Variants in PTBP1 observed in about 807,000 individuals in gnomAD.
PTBP1 encodes the protein polypyrimidine tract binding protein 1, also known as polypyrimidine tract-binding protein 1.
PTBP1 carries 8 observed loss-of-function variants against 59.8 expected under a neutral mutation model. The ratio of observed to expected loss-of-function variants is 0.13; its 90% confidence interval spans 0.08 to 0.24. PTBP1 has a LOEUF of 0.24. Among genes scored for constraint, PTBP1 ranks in the 10% least tolerant of loss-of-function variants. The pLI is 1.00. For synonymous variants in PTBP1, 490 were observed against 320.7 expected (o/e 1.53, Z -5.64); for missense variants, 686 against 767.0 (o/e 0.89, Z 1.25).
In PTBP1 at chr19:811,041, G is replaced by A. The variant is rs1442199983; in HGVS notation, c.*215G>A. The A allele has an allele frequency of 1.2e-5, 6 of 493,470 alleles. No homozygotes were observed. Among genetic ancestry groups the A allele is most frequent in the Middle Eastern group, 5.2e-4 (1 of 1,910 alleles). The allele number at this position is 493,470 out of a possible 1,614,324, so 30.6% of individuals were successfully genotyped here. A position where few individuals can be genotyped will look rare whatever the true frequency, so the allele number is the denominator to read the frequency against. ...TCAGGCTCTTGGTGACTGTGGCAGC[G>A]GGAGTTCCCGGCCCTCCACACCCGG... On this transcript the variant is annotated 3_prime_UTR_variant, in exon 15 of 15. Transcript: ENST00000356948.
intron 9 of PTBP1, chr19:806,121 C>T (rs999147879): frequency 2.8e-6 from 1 of 359,030 alleles, no homozygotes; most frequent in Non-Finnish European, 5.0e-6. Context: ...GGCCCCGTGT[C>T]TGTGCTGGCG....
rs2034837529 is a variant in PTBP1 at position 810,997 on chromosome 19, C to G, written c.*171C>G. On this transcript the variant is annotated 3_prime_UTR_variant, in exon 15 of 15. Coordinates refer to ENST00000356948, the MANE Select transcript of PTBP1 (RefSeq NM_002819.5). Reference sequence around the variant, plus strand: ...TTAAATCTAGTTCACCTTGCTCACCCTGCGGTGACAGGGACAGCTCAGGCT... The same window carrying G: ...TTAAATCTAGTTCACCTTGCTCACCGTGCGGTGACAGGGACAGCTCAGGCT... 2.9e-6 allele frequency: 2 copies of G among 683,724 alleles called. No individual in the cohort carries two copies. The highest frequency in any genetic ancestry group is 4.5e-6 in the Non-Finnish European group (2 of 448,588). The allele number at this position is 683,724 out of a possible 1,614,324, so 42.4% of individuals were successfully genotyped here.
chr19:803,147 G>A (rs368453018), intron 2 of PTBP1, among the ~76,000 whole-genome samples: 2 of 152,186 alleles, frequency 1.3e-5, no homozygotes, highest in East Asian at 3.9e-4. Context: ...CTGCTGGGGG[G>A]GCTGGCTCCA....
rs1397816939 is a variant in PTBP1 at position 804,082 on chromosome 19, A to G, written c.162A>G (p.Ala54=). The G allele has an allele frequency of 1.2e-6, 2 of 1,613,938 alleles. No homozygotes were observed. Among genetic ancestry groups the G allele is most frequent in the Non-Finnish European group, 1.7e-6 (2 of 1,179,998 alleles). ...SKKFKGDSRS[A]GVPSRVIHIR... Reference sequence around the variant, plus strand: ...AGTTCAAAGGTGACAGCCGAAGTGCAGGCGTCCCCTCTAGAGTGATCCACA... The same window carrying G: ...AGTTCAAAGGTGACAGCCGAAGTGCGGGCGTCCCCTCTAGAGTGATCCACA... The change falls in exon 4 of 15, where the codon GCA becomes GCG. Residue 54 remains alanine (A), a synonymous_variant. Coordinates refer to ENST00000356948, the MANE Select transcript of PTBP1 (RefSeq NM_002819.5).
Position 803,589 on chromosome 19 carries a change from G to A in PTBP1, c.68G>A (p.Cys23Tyr). 6.2e-7 allele frequency: 1 copy of A among 1,614,170 alleles called. No homozygotes were observed. Among genetic ancestry groups the A allele is most frequent in the Non-Finnish European group, 8.5e-7 (1 of 1,180,000 alleles). Residue 23 changes from cysteine to tyrosine, a missense_variant, in exon 3 of 15, where the codon TGT becomes TAT. Transcript: ENST00000356948. Reference protein sequence around the residue: ...KRGSDELFSTCVTNGPFIMSS... With the variant: ...KRGSDELFSTYVTNGPFIMSS... ...GGATCTGACGAGCTTTTCTCTACTT[G>A]TGTCACTAACGGACCGTTTATCATG...
chr19:810,546 C>T lies in PTBP1; in HGVS notation c.1467C>T (p.Pro489=), dbSNP rs1365880518. Residue 489 remains proline, a synonymous_variant, in exon 14 of 15, where the codon CCC becomes CCT. Coordinates refer to ENST00000356948, the MANE Select transcript of PTBP1 (RefSeq NM_002819.5). ...SATLHLSNIP[P]SVSEEDLKVL... is the part of the protein sequence containing the mutation. Reference sequence around the variant, plus strand: ...TCACGCCTTTCTCCTCCCACAGGCCCTCAGTCTCCGAGGAGGATCTCAAGG... The same window carrying T: ...TCACGCCTTTCTCCTCCCACAGGCCTTCAGTCTCCGAGGAGGATCTCAAGG... 3 of 1,613,274 alleles carry T rather than the reference C, an allele frequency of 1.9e-6. No homozygotes were observed. Among genetic ancestry groups the T allele is most frequent in the African/African-American group, 1.3e-5 (1 of 75,010 alleles).
chr19:808,286 C>A lies in PTBP1; in HGVS notation c.1154-74C>A, dbSNP rs546664851. 3.9e-6 allele frequency: 5 copies of A among 1,286,680 alleles called. No homozygotes were observed. The highest frequency in any genetic ancestry group is 1.5e-5 in the African/African-American group (1 of 67,790). The allele number at this position is 1,286,680 out of a possible 1,614,324, so 79.7% of individuals were successfully genotyped here. On this transcript the variant is annotated intron_variant, in intron 11 of 14. Coordinates refer to ENST00000356948, the MANE Select transcript of PTBP1 (RefSeq NM_002819.5). The surrounding 1 kb of genome is among the most constrained non-coding windows in gnomAD (Gnocchi z 4.7). Reference sequence around the variant, plus strand: ...CTGAGCCGGGCCTTGTGGGGGTGCGCGGGGCCGGGGCTGACGGGGAGATGG... The same window carrying A: ...CTGAGCCGGGCCTTGTGGGGGTGCGAGGGGCCGGGGCTGACGGGGAGATGG...
chr19:809,215 G>A (rs1044798555), intron 13 of PTBP1, among the ~76,000 whole-genome samples: 13 of 151,460 alleles, frequency 8.6e-5, no homozygotes, highest in African/African-American at 3.1e-4. Flanking sequence ...CACCATATTG[G>A]CCAGGCTGAT....
chr19:810,391 T>C (rs1402545022), intron 13 of PTBP1, 152 bp from the exon 14 acceptor site: 1 of 621,094 alleles, frequency 1.6e-6, no homozygotes, highest in African/African-American at 1.9e-5. Context: ...CAGACCATTG[T>C]GGACATGATT....
In PTBP1 at chr19:805,054, G is replaced by A. The variant is rs1000808315; in HGVS notation, c.759G>A (p.Leu253=). The A allele has an allele frequency of 5.0e-6, 8 of 1,613,754 alleles. No individual in the cohort carries two copies. In the African/African-American group the frequency reaches 9.3e-5, roughly 19 times the overall value. The change falls in exon 8 of 15, where the codon CTG becomes CTA. Residue 253 remains leucine, a synonymous_variant. Coordinates refer to ENST00000356948, the MANE Select transcript of PTBP1 (RefSeq NM_002819.5). ...GQNIYNACCT[L]RIDFSKLTSL... The stretch of plus-strand genomic sequence containing the variant: ...ACATCTACAACGCCTGCTGCACGCT[G>A]CGCATCGACTTTTCCAAGCTCACCA...
At chr19:803,086 C>T (rs351986) in intron 2 of PTBP1, among the ~76,000 whole-genome samples, 19,288 of 152,112 alleles carry the variant, frequency 0.13, 2,251 homozygotes, top group African/African-American at 0.31. Context: ...TAATTTGGTT[C>T]TCTTGCGAGG....
rs1040351241 is a variant in PTBP1, at chr19:812,217, A to G, written c.*1391A>G. ...GAGAACCGATTAAAACCGTTTGAGAAACTCCTCCCTTGTCTAGCCCTGTGT... is the reference window on the plus strand; with the variant it reads ...GAGAACCGATTAAAACCGTTTGAGAGACTCCTCCCTTGTCTAGCCCTGTGT... On this transcript the variant is annotated 3_prime_UTR_variant, in exon 15 of 15. Coordinates refer to ENST00000356948, the MANE Select transcript of PTBP1 (RefSeq NM_002819.5). The G allele has an allele frequency of 6.6e-6, 1 of 152,468 alleles. No homozygotes were observed. The highest frequency in any genetic ancestry group is 1.5e-5 in the Non-Finnish European group (1 of 68,180). 9.4% of individuals were successfully genotyped at this position (152,468 alleles called of 1,614,324 possible).
rs10414379 is a variant in PTBP1, at chr19:797,517, G to A, written c.8+12G>A. 1.3e-6 allele frequency: 2 copies of A among 1,520,898 alleles called. No individual in the cohort carries two copies. Among genetic ancestry groups the A allele is most frequent in the South Asian group, 1.2e-5 (1 of 82,712 alleles). 94.2% of individuals were successfully genotyped at this position (1,520,898 alleles called of 1,614,324 possible). Reference sequence around the variant, plus strand: ...TGTGCCATGGACGGGTGAGTCGCACGTCGCCCCGCGCCCCACCGCCCTCCC... The same window carrying A: ...TGTGCCATGGACGGGTGAGTCGCACATCGCCCCGCGCCCCACCGCCCTCCC... On this transcript the variant is annotated intron_variant, in intron 1 of 14. Transcript: ENST00000356948.
chr19:807,822 C>T (rs769970816), intron 10 of PTBP1, 47 bp from the exon 11 acceptor site: 5 of 1,556,746 alleles, frequency 3.2e-6, no homozygotes, highest in Non-Finnish European at 4.4e-6. Flanking sequence ...CCCTTGACCT[C>T]TCCCTCTCCC....
intron 2 of PTBP1, among the ~76,000 whole-genome samples, chr19:801,778 G>C (rs1410948988): frequency 6.6e-6 from 1 of 152,202 alleles, no homozygotes; most frequent in Non-Finnish European, 1.5e-5. Flanking sequence ...TCCTGGCACT[G>C]CTGTGTTTTC....
chr19:798,319 C>T (rs1013584879), intron 1 of PTBP1: 1 of 152,168 alleles, frequency 6.6e-6, no homozygotes, highest in Non-Finnish European at 1.5e-5. Flanking sequence ...GTGGGAGCCC[C>T]CTCCAGAAAG....
chr19:805,675 T>G, intron 9 of PTBP1, 106 bp downstream of exon 9: 9 of 946,458 alleles, frequency 9.5e-6, no homozygotes, highest in Non-Finnish European at 1.0e-5. Context: ...GGCACTCGAG[T>G]GCCAGGTCAG....
Position 799,454 on chromosome 19 carries a change from C to G in PTBP1, c.39+11C>G, listed in dbSNP as rs372949190. On this transcript the variant is annotated intron_variant, in intron 2 of 14. Coordinates refer to ENST00000356948, the MANE Select transcript of PTBP1 (RefSeq NM_002819.5). ...GCCGTTGGTACAAAGGTAGGCACTT[C>G]TCACTTTGCTTCTCCGTGACGCTCC... 3.1e-6 allele frequency: 5 copies of G among 1,613,456 alleles called. No homozygotes were observed. In the African/African-American group the frequency reaches 5.3e-5, roughly 17 times the overall value.
Position 799,593 on chromosome 19 carries a change from T to A in PTBP1, c.39+150T>A, listed in dbSNP as rs534934763. On this transcript the variant is annotated intron_variant, in intron 2 of 14. Coordinates refer to ENST00000356948, the MANE Select transcript of PTBP1 (RefSeq NM_002819.5). Reference sequence around the variant, plus strand: ...TGGTCTGGAATCTGGAGTTGGGCGGTAGGGTTTGAACCCCGGGCTCCAGTG... The same window carrying A: ...TGGTCTGGAATCTGGAGTTGGGCGGAAGGGTTTGAACCCCGGGCTCCAGTG... The A allele has an allele frequency of 8.4e-4, 701 of 830,468 alleles. 12 individuals carry two copies. The South Asian group carries it at 9.6e-3, about 11-fold the overall frequency. The allele number at this position is 830,468 out of a possible 1,614,324, so 51.4% of individuals were successfully genotyped here.
Sources: gnomAD v4.1 joint callset for allele counts (sites outside exome capture counted in the v4.1 genomes callset) on GRCh38, gnomAD v4.1.1 for gene constraint, Gnocchi (gnomAD v3.1) non-coding constraint, MANE v1.5 for transcripts, NCBI Gene and HGNC (gene_info 2026-07-23, HGNC 2026-07-21) for gene names.